Variants in DOCK9 observed in about 807,000 individuals in gnomAD.
DOCK9 encodes dedicator of cytokinesis 9, also known as dedicator of cytokinesis protein 9.
In DOCK9, 89 loss-of-function variants were observed where a neutral mutation model predicts 263.3. That is an observed-to-expected ratio of 0.34 (90% CI 0.28 to 0.40). The LOEUF (loss-of-function observed/expected upper bound fraction) is 0.40. DOCK9 is among the 10% of genes least tolerant of loss of function. The pLI is 1.00. For synonymous variants in DOCK9, 976 were observed against 973.1 expected, an observed-to-expected ratio of 1.00 and a Z score of -0.06; for missense variants, 2,140 against 2,603.4, an observed-to-expected ratio of 0.82 and a Z score of 3.87.
rs1595937892 is a variant in DOCK9 at position 99,027,912 on chromosome 13, T to A, written c.129+58311A>T. Among the ~76,000 whole-genome samples, 3 of 152,204 alleles carry A rather than the reference T, an allele frequency of 2.0e-5. No homozygotes were observed. The South Asian group carries it at 6.2e-4, about 32-fold the overall frequency. ...ATAAGCAGGTGACCCAGCGGAAGAA[T>A]GGCACAGCCTACTGAAGACAACAGT... is the stretch of plus-strand genomic sequence containing the variant. On this transcript the variant is annotated intron_variant, in intron 1 of 32. Coordinates refer to the DOCK9 transcript ENST00000427887.
At chr13:99,051,274 C>T (rs989154395) in intron 1 of DOCK9, among the ~76,000 whole-genome samples, 3 of 152,128 alleles carry the variant, frequency 2.0e-5, no homozygotes, top group African/African-American at 4.8e-5. Flanking sequence ...CCCCCTTTCC[C>T]GCCAAAGCTC....
At position 98,824,418 on chromosome 13, in the gene DOCK9, G is replaced by C. The variant is rs749929315; in HGVS notation, c.5110C>G (p.Gln1704Glu). 1.3e-5 allele frequency: 21 copies of C among 1,613,856 alleles called. No homozygotes were observed. The highest frequency in any genetic ancestry group is 1.8e-5 in the Non-Finnish European group (21 of 1,179,766). Residue 1704 changes from glutamine to glutamate, a missense_variant, in exon 45 of 53, where the codon CAG (glutamine) becomes GAG (glutamate). Gln to Glu is a conservative substitution (Grantham distance 29). Transcript: ENST00000682017. ...EASMMEDVGM[Q>E]DVHFNEDVLM... ...CGCACCTCGTTGAAATGGACATCCT[G>C]CATCCCCACGTCTTCCATCATGGAG...
chr13:98,885,164 T>C (rs2045488436), intron 20 of DOCK9, 72 bp from the exon 21 acceptor site: 4 of 1,566,778 alleles, frequency 2.6e-6, no homozygotes, highest in Non-Finnish European at 3.5e-6. Flanking sequence ...AGCAAGCCAA[T>C]GTAAAACCGT....
At chr13:98,963,132 G>A (rs1477000879) in intron 1 of DOCK9, among the ~76,000 whole-genome samples, 1 of 152,080 alleles carries the variant, frequency 6.6e-6, no homozygotes, top group Non-Finnish European at 1.5e-5. Context: ...ATGGCAGCGG[G>A]CAGCATGGCG....
At chr13:98,820,622 G>T in intron 45 of DOCK9, 1 of 386,034 alleles carries the variant, frequency 2.6e-6, no homozygotes, top group Non-Finnish European at 5.0e-6. Context: ...TATATGGGGA[G>T]ATGTGCTCTG....
intron 1 of DOCK9, among the ~76,000 whole-genome samples, chr13:99,011,285 A>G (rs941490922): frequency 1.3e-5 from 2 of 152,224 alleles, no homozygotes; most frequent in South Asian, 4.1e-4. Flanking sequence ...TATTTTAATA[A>G]GCAGATGATA....
In DOCK9 at chr13:99,066,643, C is replaced by T. The variant is rs771047462; in HGVS notation, c.129+19580G>A. 5.9e-5 allele frequency among the ~76,000 whole-genome samples: 9 copies of T among 152,214 alleles called. No homozygotes were observed. In the East Asian group the frequency reaches 7.7e-4, roughly 13 times the overall value. ...TTTGGGGATCTTTGCACCTATGGAG[C>T]GTATTCTAAATTCCAAGAGAAATAA... On this transcript the variant is annotated intron_variant, in intron 1 of 32. Transcript: ENST00000427887.
chr13:99,054,692 C>T (rs1486815434), intron 1 of DOCK9, among the ~76,000 whole-genome samples: 2 of 152,190 alleles, frequency 1.3e-5, no homozygotes, highest in African/African-American at 4.8e-5. Flanking sequence ...CCTCTTTTTA[C>T]CTTTGCCATG....
rs778546514 is a variant in DOCK9, at chr13:98,810,237, G to A, written c.5185C>T (p.Arg1729Cys). The A allele has an allele frequency of 7.4e-6, 12 of 1,612,790 alleles. No individual in the cohort carries two copies. Among genetic ancestry groups the A allele is most frequent in the East Asian group, 2.2e-5 (1 of 44,816 alleles). ...TAGATGTCGGCGATGAGCTCGTAGC[G>A]CTCGGCTTTCCAGAGTCCATCTGCG... Reference protein sequence around the residue: ...QCADGLWKAERYELIADIYKL... With the variant: ...QCADGLWKAECYELIADIYKL... Residue 1729 changes from arginine to cysteine, a missense_variant, in exon 46 of 53, where the codon CGC (arginine) becomes TGC (cysteine). This residue lies in a region of DOCK9 where 619 missense variants were observed against 861.8 expected (regional missense o/e 0.72). Transcript: ENST00000682017.
intron 5 of DOCK9, among the ~76,000 whole-genome samples, chr13:98,922,388 A>G (rs976594705): frequency 6.6e-6 from 1 of 152,196 alleles, no homozygotes; most frequent in South Asian, 2.1e-4. Context: ...CTCCTGTCCA[A>G]ATTTTTATTT....
chr13:98,827,385 G>A (rs1458372479), intron 43 of DOCK9, among the ~76,000 whole-genome samples: 2 of 152,258 alleles, frequency 1.3e-5, no homozygotes, highest in East Asian at 1.9e-4. Context: ...ATCTCAAATA[G>A]GTAACATTAT....
At chr13:98,816,625 A>G (rs997435421) in intron 45 of DOCK9, among the ~76,000 whole-genome samples, 1 of 151,544 alleles carries the variant, frequency 6.6e-6, no homozygotes, top group Non-Finnish European at 1.5e-5. Flanking sequence ...GAGGCGGGAA[A>G]GAGCAGCATC....
chr13:99,009,510 TA>T (rs1207257080), intron 1 of DOCK9, among the ~76,000 whole-genome samples: 5 of 151,978 alleles, frequency 3.3e-5, no homozygotes, highest in Non-Finnish European at 5.9e-5. Context: ...AAAACCGATA[TA>T]AATGTACAAG....
chr13:98,890,722 T>C (rs571623178), intron 15 of DOCK9, among the ~76,000 whole-genome samples: 1 of 152,290 alleles, frequency 6.6e-6, no homozygotes, highest in African/African-American at 2.4e-5. Flanking sequence ...GCCTCACGTG[T>C]CACTCCTCAG....
chr13:98,931,534 G>A (rs1487520276), intron 2 of DOCK9, among the ~76,000 whole-genome samples: 3 of 151,802 alleles, frequency 2.0e-5, no homozygotes, highest in South Asian at 2.1e-4. Flanking sequence ...TCCTGACCTC[G>A]TGATCTGCCC....
At chr13:98,928,672 A>T (rs1336090747) in intron 3 of DOCK9, among the ~76,000 whole-genome samples, 1 of 152,252 alleles carries the variant, frequency 6.6e-6, no homozygotes, top group East Asian at 1.9e-4. Context: ...ATCTCTACTT[A>T]ACTTTGAGTT....
upstream of DOCK9, chr13:99,087,829 G>A (rs2042383683): frequency 6.6e-6 from 1 of 152,302 alleles, no homozygotes; most frequent in East Asian, 1.9e-4. Context: ...CCGATGGACA[G>A]TTCCTTACCT....
At position 98,881,604 on chromosome 13, in the gene DOCK9, T is replaced by C; in HGVS notation, c.2699A>G (p.Gln900Arg). 6.2e-7 allele frequency: 1 copy of C among 1,609,486 alleles called. No individual in the cohort carries two copies. The highest frequency in any genetic ancestry group is 8.5e-7 in the Non-Finnish European group (1 of 1,178,060). ...GCTCTCCAATCCTTCCTCATGGCAC[T>C]GGGCAACCACATGAATAATGACCCT... ...VTRVIIHVVAQCHEEGLESHL... is the reference protein window; with the variant it reads ...VTRVIIHVVARCHEEGLESHL... The change falls in exon 25 of 53, where the codon CAG becomes CGG. Residue 900 changes from glutamine (Q) to arginine (R), a missense_variant. Physicochemically the swap from Gln to Arg is conservative, Grantham distance 43. Transcript: ENST00000682017.
chr13:98,800,239 G>A, intron 50 of DOCK9, 49 bp downstream of exon 50: 1 of 1,518,426 alleles, frequency 6.6e-7, no homozygotes. Context: ...AAGTCACCCA[G>A]GGGCAAGGAC....
Sources: allele counts gnomAD v4.1 joint callset (sites outside exome capture counted in the v4.1 genomes callset), GRCh38; gene constraint gnomAD v4.1.1; regional missense constraint gnomAD v4.1.1; transcripts MANE v1.5; gene names NCBI Gene and HGNC (gene_info 2026-07-23, HGNC 2026-07-21).